BEAN1: variants seen among roughly 807,000 people sequenced by gnomAD.
BEAN1 encodes brain expressed associated with NEDD4 1, also known as protein BEAN1.
BEAN1 carries 17 observed loss-of-function variants against 17.7 expected under a neutral mutation model. The observed-to-expected ratio is 0.96, with a 90% CI of 0.66 to 1.44. The LOEUF (loss-of-function observed/expected upper bound fraction) is 1.44, where lower values mean the gene tolerates loss of function less well. Among genes scored for constraint, BEAN1 ranks in the 40% most tolerant of loss-of-function variants. The pLI is 0.00. For synonymous variants in BEAN1, 142 were observed against 151.8 expected, an observed-to-expected ratio of 0.94 and a Z score of 0.47; for missense variants, 359 against 374.1, an observed-to-expected ratio of 0.96 and a Z score of 0.33.
rs1963394475 is a variant in BEAN1 at position 66,469,703 on chromosome 16, A to G, written c.127A>G (p.Ile43Val). 6.5e-7 allele frequency: 1 copy of G among 1,536,078 alleles called. No individual in the cohort carries two copies. Among genetic ancestry groups the G allele is most frequent in the Admixed American group, 2.0e-5 (1 of 51,002 alleles). ...VSPVLVASAVIGVVIILSCIT... is the reference protein window; with the variant it reads ...VSPVLVASAVVGVVIILSCIT... ...CCCCGTGCTGGTGGCGAGTGCCGTC[A>G]TAGGTGTGGTCATCATCCTCTCCTG... is the stretch of plus-strand genomic sequence containing the variant. The change falls in exon 3 of 5, where the codon ATA becomes GTA. Residue 43 changes from isoleucine (I) to valine (V), a missense_variant. By Grantham distance (29) the Ile-to-Val change is conservative (BLOSUM62 3). Coordinates refer to ENST00000536005, the MANE Select transcript of BEAN1 (RefSeq NM_001178020.3).
chr16:66,433,641 G>C (rs1225213929), intron 1 of BEAN1, among the ~76,000 whole-genome samples: 1 of 152,158 alleles, frequency 6.6e-6, no homozygotes, highest in Non-Finnish European at 1.5e-5. Flanking sequence ...CCACCTCATC[G>C]GGCCCCTTAT....
At chr16:66,442,726 G>T (rs1962304386) in intron 2 of BEAN1, among the ~76,000 whole-genome samples, 1 of 152,202 alleles carries the variant, frequency 6.6e-6, no homozygotes, top group African/African-American at 2.4e-5. Flanking sequence ...GCACCCTTTT[G>T]GTTTGGTGCT....
At chr16:66,451,209 C>T (rs1042977838) in intron 2 of BEAN1, 1 of 153,136 alleles carries the variant, frequency 6.5e-6, no homozygotes, top group African/African-American at 2.4e-5. Flanking sequence ...TCTTTTGTCT[C>T]GGGATCTATT....
chr16:66,430,327 G>T (rs1182524686), intron 1 of BEAN1, among the ~76,000 whole-genome samples: 1 of 152,142 alleles, frequency 6.6e-6, no homozygotes, highest in Non-Finnish European at 1.5e-5. Flanking sequence ...TTTGAATTCT[G>T]ATAACCAGCT....
intron 2 of BEAN1, among the ~76,000 whole-genome samples, chr16:66,460,040 G>A (rs577202870): frequency 7.9e-5 from 12 of 152,228 alleles, no homozygotes; most frequent in Non-Finnish European, 1.3e-4. Flanking sequence ...ACCAGTCACA[G>A]ACTGCCCCTG....
chr16:66,490,410 A>AAATAAAATAAAATAAAATAAAATAAAAT (rs1964152827), intron 4 of BEAN1, among the ~76,000 whole-genome samples: 1 of 110,794 alleles, frequency 9.0e-6, no homozygotes, highest in East Asian at 2.8e-4. Flanking sequence ...AAAATAAAAT[A>AAATAAAATAAAATAAAATAAAATAAAAT]AAATAAAATA....
rs985710624 is a variant in BEAN1, at chr16:66,436,052, G to T, written c.-82-1543G>T. On this transcript the variant is annotated intron_variant, in intron 1 of 4. Coordinates refer to ENST00000536005, the MANE Select transcript of BEAN1 (RefSeq NM_001178020.3). The stretch of plus-strand genomic sequence containing the variant: ...TTTCCCATTGGCTTTAGGGCTGCCA[G>T]CTATGCCCTGCAAAAGCCCACAGGG... Among the ~76,000 whole-genome samples, 9 of 152,120 alleles carry T rather than the reference G, an allele frequency of 5.9e-5. No individual in the cohort carries two copies. In the South Asian group the frequency reaches 1.7e-3, roughly 28 times the overall value.
chr16:66,474,642 G>GAGGA (rs1963656943), intron 3 of BEAN1, among the ~76,000 whole-genome samples: 2 of 64,620 alleles, frequency 3.1e-5, no homozygotes, highest in African/African-American at 6.2e-5. Flanking sequence ...GGGAGGGAGG[G>GAGGA]AGGGAGGGGA....
In BEAN1 at chr16:66,473,819, A is replaced by C. The variant is rs1325833567; in HGVS notation, c.290-3741A>C. On this transcript the variant is annotated intron_variant, in intron 3 of 4. Transcript: ENST00000536005. This position sits in a 1 kb window ranked among gnomAD's most constrained non-coding sequence, Gnocchi z 4.5. The stretch of plus-strand genomic sequence containing the variant: ...CTGTCAGACACACTCACAGCCCCCC[A>C]GCTCTGGTGACTCAAGCCCTCCTGG... Among the ~76,000 whole-genome samples, 1 of 152,016 alleles carries C rather than the reference A, an allele frequency of 6.6e-6. No individual in the cohort carries two copies. Among genetic ancestry groups the C allele is most frequent in the Non-Finnish European group, 1.5e-5 (1 of 67,980 alleles).
downstream of BEAN1, chr16:66,493,611 A>C: frequency 1.9e-6 from 1 of 535,058 alleles, no homozygotes. Context: ...TCATCGGGTG[A>C]GGTGGTCACC....
Position 66,481,062 on chromosome 16 carries a change from A to G in BEAN1, c.*137A>G, listed in dbSNP as rs1020615256. The G allele has an allele frequency of 2.9e-5, 20 of 683,676 alleles. No homozygotes were observed. Among genetic ancestry groups the G allele is most frequent in the Middle Eastern group, 4.1e-4 (1 of 2,444 alleles). 42.4% of individuals were successfully genotyped at this position (683,676 alleles called of 1,614,324 possible). On this transcript the variant is annotated 3_prime_UTR_variant, in exon 5 of 5. Coordinates refer to ENST00000536005, the MANE Select transcript of BEAN1 (RefSeq NM_001178020.3). This position sits in a 1 kb window ranked among gnomAD's most constrained non-coding sequence, Gnocchi z 4.1. ...ATAGACCAAACTTGTATACACACAGACATCTACACTGACATACCCCATGTA... is the reference window on the plus strand; with the variant it reads ...ATAGACCAAACTTGTATACACACAGGCATCTACACTGACATACCCCATGTA...
chr16:66,481,050 G>C lies in BEAN1; in HGVS notation c.*125G>C. ...CATAACACACACATAGACCAAACTT[G>C]TATACACACAGACATCTACACTGAC... On this transcript the variant is annotated 3_prime_UTR_variant, in exon 5 of 5. Transcript: ENST00000536005. The surrounding 1 kb of genome is among the most constrained non-coding windows in gnomAD (Gnocchi z 4.1). 1 of 691,466 alleles carries C rather than the reference G, an allele frequency of 1.4e-6. No individual in the cohort carries two copies. The highest frequency in any genetic ancestry group is 2.2e-6 in the Non-Finnish European group (1 of 464,732). 42.8% of individuals were successfully genotyped at this position (691,466 alleles called of 1,614,324 possible). A position where few individuals can be genotyped will look rare whatever the true frequency, so the allele number is the denominator to read the frequency against.
intron 1 of BEAN1, among the ~76,000 whole-genome samples, chr16:66,432,643 C>G (rs1193180740): frequency 6.6e-6 from 1 of 152,220 alleles, no homozygotes. Context: ...CTATCAAGAC[C>G]TGGAGTCACC....
intron 2 of BEAN1, among the ~76,000 whole-genome samples, chr16:66,453,103 C>A (rs960772379): frequency 6.6e-6 from 1 of 152,088 alleles, no homozygotes; most frequent in African/African-American, 2.4e-5. Context: ...TTTCTGTTTT[C>A]TAGTTCGTTG....
At chr16:66,454,729 C>CTTTTTTTTTTTTTTT (rs538469751) in intron 2 of BEAN1, among the ~76,000 whole-genome samples, 94 of 83,544 alleles carry the variant, frequency 1.1e-3, no homozygotes, top group African/African-American at 1.9e-3. Context: ...TTCTTTCTTT[C>CTTTTTTTTTTTTTTT]TTTTTTTTTT....
At position 66,439,113 on chromosome 16, in the gene BEAN1, T is replaced by C. The variant is rs1596982377; in HGVS notation, c.25+1412T>C. 2.6e-5 allele frequency among the ~76,000 whole-genome samples: 4 copies of C among 152,310 alleles called. 1 individual carries two copies. The highest frequency in any genetic ancestry group is 2.6e-4 in the Admixed American group (4 of 15,304). On this transcript the variant is annotated intron_variant, in intron 2 of 4. Transcript: ENST00000536005. ...CAGTGGGAGGTAGGGGACACTGGCA[T>C]GTCCCACCTGGGTGAGATCATCACC... is the stretch of plus-strand genomic sequence containing the variant.
chr16:66,488,974 C>G (rs747947461), intron 4 of BEAN1, among the ~76,000 whole-genome samples: 2 of 152,080 alleles, frequency 1.3e-5, no homozygotes, highest in African/African-American at 4.8e-5. Context: ...GAGTTCGAGA[C>G]CAGCCTGGGC....
intron 2 of BEAN1, among the ~76,000 whole-genome samples, chr16:66,456,880 C>CT (rs1597009833): frequency 6.6e-6 from 1 of 152,222 alleles, no homozygotes; most frequent in East Asian, 1.9e-4. Flanking sequence ...CAGAATGTAT[C>CT]TTAATAGTGG....
chr16:66,436,641 A>C (rs1962036624), intron 1 of BEAN1, among the ~76,000 whole-genome samples: 1 of 151,008 alleles, frequency 6.6e-6, no homozygotes, highest in Non-Finnish European at 1.5e-5. Context: ...AGTGGTGTGA[A>C]CATGGCCCAC....
Sources: allele counts gnomAD v4.1 joint callset (sites outside exome capture counted in the v4.1 genomes callset), GRCh38; gene constraint gnomAD v4.1.1; non-coding constraint Gnocchi (gnomAD v3.1); transcripts MANE v1.5; gene names NCBI Gene and HGNC (gene_info 2026-07-23, HGNC 2026-07-21).